Variants in STK3 observed in about 807,000 individuals in gnomAD.
The protein encoded by STK3 is serine/threonine-protein kinase 3.
In STK3, 41 loss-of-function variants were observed where a neutral mutation model predicts 58.0. The observed-to-expected ratio is 0.71, with a 90% CI of 0.55 to 0.92. The LOEUF is 0.92. Ranked by LOEUF, STK3 falls within the 40% of genes least tolerant of loss-of-function variation. The pLI is 0.00. For synonymous variants in STK3, 170 were observed against 191.0 expected (o/e 0.89, Z 0.91); for missense variants, 479 against 602.7 (o/e 0.79, Z 2.15).
At chr8:98,701,321 A>G (rs577868937) in intron 6 of STK3, among the ~76,000 whole-genome samples, 6 of 152,350 alleles carry the variant, frequency 3.9e-5, no homozygotes, top group African/African-American at 1.4e-4. Context: ...ATACATATAT[A>G]TACATACTTC....
rs539528752 is a variant in STK3 at position 98,789,433 on chromosome 8, C to CA, written c.27-14615dup. 4.0e-3 allele frequency among the ~76,000 whole-genome samples: 598 copies of CA among 150,404 alleles called. 5 individuals carry two copies. Among genetic ancestry groups the CA allele is most frequent in the African/African-American group, 0.013 (540 of 41,058 alleles). Reference sequence around the variant, plus strand: ...AGAGCAGAAATAAATTAAATTGAAACAAAAAAAATACAAAAGATAAATGAA... The same window carrying CA: ...AGAGCAGAAATAAATTAAATTGAAACAAAAAAAAATACAAAAGATAAATGAA... On this transcript the variant is annotated intron_variant, in intron 1 of 10. Transcript: ENST00000419617.
At chr8:98,713,582 A>T (rs1316891013) in intron 4 of STK3, among the ~76,000 whole-genome samples, 2 of 152,222 alleles carry the variant, frequency 1.3e-5, no homozygotes, top group East Asian at 3.8e-4. Flanking sequence ...ACCAGGAAGA[A>T]GTTGAATCTC....
intron 3 of STK3, among the ~76,000 whole-genome samples, chr8:98,878,551 G>A (rs1443166705): frequency 1.3e-5 from 2 of 151,686 alleles, no homozygotes; most frequent in African/African-American, 4.8e-5. Flanking sequence ...CACTCACCCC[G>A]TCACTCTCTT....
intron 1 of STK3, among the ~76,000 whole-genome samples, chr8:98,926,100 T>C (rs1358074689): frequency 6.6e-6 from 1 of 152,182 alleles, no homozygotes; most frequent in South Asian, 2.1e-4. Context: ...GGAACCAGAA[T>C]GTCTGCACTA....
At chr8:98,387,465 G>T (rs2131008256) in intron 1 of STK3, among the ~76,000 whole-genome samples, 1 of 152,312 alleles carries the variant, frequency 6.6e-6, no homozygotes, top group East Asian at 1.9e-4. Context: ...AAGACCTAGA[G>T]ACACTGGGCG....
At chr8:98,905,673 G>A (rs1838869374) in intron 1 of STK3, 5 of 736,246 alleles carry the variant, frequency 6.8e-6, no homozygotes, top group East Asian at 5.4e-5. Context: ...TTCATCATCC[G>A]GACAAGCACC....
chr8:98,790,939 G>A (rs1017462445), intron 1 of STK3, among the ~76,000 whole-genome samples: 30 of 151,640 alleles, frequency 2.0e-4, no homozygotes, highest in Non-Finnish European at 2.4e-4. Context: ...AGCTGAGATC[G>A]CGCCATTGCA....
At chr8:98,680,624 C>G (rs948897876) in intron 6 of STK3, among the ~76,000 whole-genome samples, 1 of 152,156 alleles carries the variant, frequency 6.6e-6, no homozygotes, top group African/African-American at 2.4e-5. Flanking sequence ...CTACAGAAGA[C>G]AAAGTTGGGA....
intron 3 of STK3, among the ~76,000 whole-genome samples, chr8:98,851,910 C>A (rs1322104975): frequency 1.3e-5 from 2 of 152,080 alleles, no homozygotes; most frequent in African/African-American, 4.8e-5. Context: ...ATCTCTTGAG[C>A]CCAGAGGTTC....
chr8:98,825,403 G>T (rs1835189103), intron 1 of STK3, 112 bp downstream of exon 1: 1 of 1,050,898 alleles, frequency 9.5e-7, no homozygotes, highest in Non-Finnish European at 1.2e-6. Flanking sequence ...AGCGCGCCCG[G>T]CTCGGGGCCC....
At chr8:98,532,575 T>C (rs563584129) in intron 9 of STK3, among the ~76,000 whole-genome samples, 4 of 152,100 alleles carry the variant, frequency 2.6e-5, no homozygotes, top group South Asian at 2.1e-4. Flanking sequence ...ACAGTGCCAA[T>C]AGACTTGCTT....
At chr8:98,353,826 A>G in the STK3 span, among the ~76,000 whole-genome samples, 1 of 152,132 alleles carries the variant, frequency 6.6e-6, no homozygotes, top group Non-Finnish European at 1.5e-5. Context: ...TATAGAGACC[A>G]AAGGAACCAG....
intron 10 of STK3, among the ~76,000 whole-genome samples, chr8:98,480,638 C>T (rs1294227002): frequency 6.6e-6 from 1 of 152,134 alleles, no homozygotes; most frequent in Non-Finnish European, 1.5e-5. Flanking sequence ...CTGATAACAG[C>T]GATGACAATA....
chr8:98,512,691 G>A (rs1824610408), intron 10 of STK3, among the ~76,000 whole-genome samples: 1 of 152,096 alleles, frequency 6.6e-6, no homozygotes, highest in African/African-American at 2.4e-5. Flanking sequence ...TATGTACCCA[G>A]GGCCACTGGA....
At chr8:98,893,931 G>A (rs1339646756) in intron 1 of STK3, among the ~76,000 whole-genome samples, 3 of 152,216 alleles carry the variant, frequency 2.0e-5, no homozygotes, top group Non-Finnish European at 4.4e-5. Context: ...TAAAGTTTCA[G>A]CAGCCCATGC....
rs2131067796 is a variant in STK3 at position 98,428,246 on chromosome 8, G to A, written n.483+5881C>T. ...TGCTGCATTTCTATCACACCGGCAA[G>A]CTTCACGTCATGGCTGAGCTATGTG... On this transcript the variant is annotated intron_variant and non_coding_transcript_variant, in intron 3 of 3. Transcript: ENST00000517832. This position sits in a 1 kb window ranked among gnomAD's most constrained non-coding sequence, Gnocchi z 6.7. 1 of 1,614,154 alleles carries A rather than the reference G, an allele frequency of 6.2e-7. No individual in the cohort carries two copies. Among genetic ancestry groups the A allele is most frequent in the South Asian group, 1.1e-5 (1 of 91,082 alleles).
intron 1 of STK3, among the ~76,000 whole-genome samples, chr8:98,911,859 C>T (rs1178238627): frequency 6.6e-6 from 1 of 151,638 alleles, no homozygotes; most frequent in African/African-American, 2.4e-5. Context: ...AAGCTTATTC[C>T]TAAATGATTC....
At position 98,579,725 on chromosome 8, in the gene STK3, T is replaced by C. The variant is rs1813706686; in HGVS notation, c.887A>G (p.Glu296Gly). 1.2e-6 allele frequency: 2 copies of C among 1,609,982 alleles called. No homozygotes were observed. Among genetic ancestry groups the C allele is most frequent in the Non-Finnish European group, 1.7e-6 (2 of 1,178,760 alleles). Residue 296 changes from glutamate to glycine, a missense_variant, in exon 8 of 11, where the codon GAG becomes GGG. Physicochemically the swap from Glu to Gly is moderately conservative, Grantham distance 98 (BLOSUM62 -2). Coordinates refer to ENST00000419617, the MANE Select transcript of STK3 (RefSeq NM_006281.4). ...ILRDLITEAM[E>G]IKAKRHEEQQ... Reference sequence around the variant, plus strand: ...TTCCTCATGTCTTTTAGCTTTGATCTCCATAGCTTCTGTGATCAGGTCTCT... The same window carrying C: ...TTCCTCATGTCTTTTAGCTTTGATCCCCATAGCTTCTGTGATCAGGTCTCT...
intron 3 of STK3, among the ~76,000 whole-genome samples, chr8:98,840,708 G>A (rs1267077893): frequency 2.0e-5 from 3 of 147,562 alleles, no homozygotes; most frequent in Non-Finnish European, 3.0e-5. Flanking sequence ...GCCTATTGCC[G>A]AATATCAAAT....
Sources: gnomAD v4.1 joint callset for allele counts (sites outside exome capture counted in the v4.1 genomes callset) on GRCh38, gnomAD v4.1.1 for gene constraint, Gnocchi (gnomAD v3.1) non-coding constraint, MANE v1.5 for transcripts, NCBI Gene and HGNC (gene_info 2026-07-23, HGNC 2026-07-21) for gene names.